The following TDG variants were observed in gnomAD, a reference collection of about 807,000 sequenced individuals.
The protein encoded by TDG is G/T mismatch-specific thymine DNA glycosylase.
In TDG, 23 loss-of-function variants were observed where a neutral mutation model predicts 46.1. The observed-to-expected ratio is 0.50, with a 90% confidence interval of 0.36 to 0.71. The LOEUF is 0.71. Ranked by LOEUF, TDG falls within the 30% of genes least tolerant of loss-of-function variation. The probability of loss-of-function intolerance (pLI) is 0.00; values close to 1 mark genes in which losing one functional copy is unlikely to be tolerated. For missense variants in TDG, 304 were observed against 486.7 expected (o/e 0.62, Z 3.53); for synonymous variants, 115 against 161.3 (o/e 0.71, Z 2.18).
intron 8 of TDG, among the ~76,000 whole-genome samples, chr12:103,985,166 T>TACACACAC (rs375705839): frequency 9.7e-4 from 134 of 138,532 alleles, no homozygotes; most frequent in Middle Eastern, 3.6e-3. Flanking sequence ...TATAGACACA[T>TACACACAC]ACACACACAC....
chr12:103,979,109 C>CTTTTTTTTTTT lies in TDG; in HGVS notation c.167-720_167-710dup, dbSNP rs372883902. On this transcript the variant is annotated intron_variant, in intron 2 of 9. Transcript: ENST00000392872. Reference sequence around the variant, plus strand: ...GCCATTGTGTTTTTCTTTTTTCTTTCTTTTTTTTTTTTGGACAGAGTCTTG... The same window carrying CTTTTTTTTTTT: ...GCCATTGTGTTTTTCTTTTTTCTTTCTTTTTTTTTTTTTTTTTTTTTTTGGACAGAGTCTTG... Among the ~76,000 whole-genome samples the CTTTTTTTTTTT allele has an allele frequency of 3.0e-4, 37 of 123,556 alleles. 1 individual carries two copies. Among genetic ancestry groups the CTTTTTTTTTTT allele is most frequent in the Non-Finnish European group, 4.5e-4 (28 of 61,846 alleles). 81.1% of individuals were successfully genotyped at this position (123,556 alleles called of 152,430 possible).
At chr12:103,978,994 C>G (rs979871749) in intron 2 of TDG, among the ~76,000 whole-genome samples, 1 of 152,068 alleles carries the variant, frequency 6.6e-6, no homozygotes, top group Non-Finnish European at 1.5e-5. Context: ...TACTGCCAGC[C>G]CAGAGATGTC....
chr12:103,985,855 CTA>C (rs745459016), intron 9 of TDG, 127 bp downstream of exon 9: 91 of 1,067,022 alleles, frequency 8.5e-5, no homozygotes, highest in Non-Finnish European at 1.1e-4. Context: ...TATTTAGTGA[CTA>C]ATAGTGAAAA....
chr12:103,975,730 C>T (rs1157109456), intron 1 of TDG, among the ~76,000 whole-genome samples: 1 of 152,044 alleles, frequency 6.6e-6, no homozygotes, highest in Non-Finnish European at 1.5e-5. Flanking sequence ...GGTACAATCT[C>T]AGCTCACTTA....
chr12:103,977,659 A>G (rs549231357), intron 2 of TDG, among the ~76,000 whole-genome samples: 1 of 152,344 alleles, frequency 6.6e-6, no homozygotes, highest in South Asian at 2.1e-4. Flanking sequence ...CATGAAGGCA[A>G]TAGGGAGCTG....
intron 1 of TDG, among the ~76,000 whole-genome samples, chr12:103,967,447 AT>A (rs1394015834): frequency 6.8e-6 from 1 of 146,754 alleles, no homozygotes; most frequent in Non-Finnish European, 1.5e-5. Context: ...GTGAAAAAAA[AT>A]AAATTTACTT....
intron 1 of TDG, among the ~76,000 whole-genome samples, chr12:103,970,935 GA>G (rs947029676): frequency 4.0e-4 from 60 of 149,340 alleles, no homozygotes; most frequent in African/African-American, 1.2e-3. Context: ...AATTATTTGG[GA>G]AAAAAAAAGA....
intron 2 of TDG, among the ~76,000 whole-genome samples, 164 bp downstream of exon 2, chr12:103,977,224 G>C (rs1029829576): frequency 2.0e-5 from 3 of 152,192 alleles, no homozygotes; most frequent in Non-Finnish European, 4.4e-5. Context: ...GGGAATAAAA[G>C]AACATGGGTC....
Position 103,979,819 on chromosome 12 carries a change from T to C in TDG, c.167-12T>C. 2 of 1,533,366 alleles carry C rather than the reference T, an allele frequency of 1.3e-6. No individual in the cohort carries two copies. Among genetic ancestry groups the C allele is most frequent in the South Asian group, 1.3e-5 (1 of 75,446 alleles). The allele number at this position is 1,533,366 out of a possible 1,614,324, so 95.0% of individuals were successfully genotyped here. ...AGATTTTCTGCATTTCTGGAAATTATTTGTATTTCAGAGGCTCCAAAAGGA... is the reference window on the plus strand; with the variant it reads ...AGATTTTCTGCATTTCTGGAAATTACTTGTATTTCAGAGGCTCCAAAAGGA... On this transcript the variant is annotated splice_polypyrimidine_tract_variant and intron_variant, in intron 2 of 9. Transcript: ENST00000392872.
chr12:103,981,566 A>G (rs2136240124), intron 4 of TDG, among the ~76,000 whole-genome samples: 1 of 152,300 alleles, frequency 6.6e-6, no homozygotes, highest in African/African-American at 2.4e-5. Flanking sequence ...ATGATTTTTT[A>G]AAAGTTGTTA....
chr12:103,970,722 G>A (rs1176736060), intron 1 of TDG, among the ~76,000 whole-genome samples: 1 of 150,680 alleles, frequency 6.6e-6, no homozygotes, highest in African/African-American at 2.4e-5. Context: ...ACTCCAGCAT[G>A]GGTGACAGAG....
intron 1 of TDG, among the ~76,000 whole-genome samples, chr12:103,976,284 A>C (rs1445511462): frequency 6.6e-6 from 1 of 152,016 alleles, no homozygotes; most frequent in Admixed American, 6.5e-5. Context: ...TCGCTCCTGT[A>C]GTCCCAGCTA....
chr12:103,981,022 T>A lies in TDG; in HGVS notation c.478+60T>A. 4 of 1,483,246 alleles carry A rather than the reference T, an allele frequency of 2.7e-6. No homozygotes were observed. The South Asian group carries it at 4.8e-5, about 18-fold the overall frequency. The allele number at this position is 1,483,246 out of a possible 1,614,324, so 91.9% of individuals were successfully genotyped here. On this transcript the variant is annotated intron_variant, in intron 4 of 9. Transcript: ENST00000392872. ...AATTAGGTATCTTTGTTAACAGGTT[T>A]TTTCAGAAAAACCAATTGTGTTTTT...
At chr12:103,970,017 T>C (rs1440334285) in intron 1 of TDG, among the ~76,000 whole-genome samples, 1 of 152,252 alleles carries the variant, frequency 6.6e-6, no homozygotes, top group Non-Finnish European at 1.5e-5. Flanking sequence ...CAGACCTCCA[T>C]CTAGCAATAC....
At chr12:103,982,600 A>G (rs1373380718) in intron 4 of TDG, among the ~76,000 whole-genome samples, 199 bp from the exon 5 acceptor site, 1 of 151,962 alleles carries the variant, frequency 6.6e-6, no homozygotes. Flanking sequence ...AACCCTGTCT[A>G]CAAACAATAC....
chr12:103,985,753 T>A (rs201367737), intron 9 of TDG, 25 bp downstream of exon 9: 1 of 1,396,786 alleles, frequency 7.2e-7, no homozygotes, highest in Non-Finnish European at 9.4e-7. Context: ...ACATGTGTAT[T>A]CCTTTCAAAG....
intron 1 of TDG, among the ~76,000 whole-genome samples, chr12:103,971,344 G>A (rs2722200): frequency 0.23 from 34,709 of 152,022 alleles, 4,292 homozygotes; most frequent in East Asian, 0.31. Context: ...CGGGCAGATC[G>A]TGAGGTCAGG....
chr12:103,982,103 T>G (rs933142139), intron 4 of TDG, among the ~76,000 whole-genome samples: 1 of 152,220 alleles, frequency 6.6e-6, no homozygotes, highest in Admixed American at 6.5e-5. Context: ...ATAAATCATC[T>G]TATTTTATAC....
intron 4 of TDG, among the ~76,000 whole-genome samples, chr12:103,982,451 T>C (rs989356215): frequency 1.3e-5 from 2 of 152,140 alleles, no homozygotes; most frequent in African/African-American, 4.8e-5. Flanking sequence ...AAGGAGATAA[T>C]AATAGTATCT....
Sources: allele counts gnomAD v4.1 joint callset (sites outside exome capture counted in the v4.1 genomes callset), GRCh38; gene constraint gnomAD v4.1.1; transcripts MANE v1.5; gene names NCBI Gene and HGNC (gene_info 2026-07-23, HGNC 2026-07-21).